Variants in PTPRM observed in about 807,000 individuals in gnomAD.
PTPRM encodes protein tyrosine phosphatase receptor type M.
Under a neutral mutation model 186.7 loss-of-function variants are expected in PTPRM, and 47 were observed. The observed-to-expected ratio is 0.25, with a 90% CI of 0.20 to 0.32. The LOEUF is 0.32. Among genes scored for constraint, PTPRM ranks in the 10% least tolerant of loss-of-function variants. The pLI is 1.00. For synonymous variants in PTPRM, 668 were observed against 674.9 expected (o/e 0.99, Z 0.16); for missense variants, 1,494 against 1,865.0 (o/e 0.80, Z 3.66).
At chr18:7,847,339 G>A (rs1234505746) in intron 2 of PTPRM, among the ~76,000 whole-genome samples, 1 of 151,730 alleles carries the variant, frequency 6.6e-6, no homozygotes, top group Non-Finnish European at 1.5e-5. Context: ...GCTAATTTTT[G>A]TATTTTTGGT....
At chr18:7,601,252 C>T (rs1259333311) in intron 1 of PTPRM, among the ~76,000 whole-genome samples, 1 of 152,230 alleles carries the variant, frequency 6.6e-6, no homozygotes, top group Non-Finnish European at 1.5e-5. Flanking sequence ...AGGCTTTCCT[C>T]CCCACTGGCA....
At chr18:8,241,911 C>T (rs967704952) in intron 14 of PTPRM, among the ~76,000 whole-genome samples, 2 of 152,096 alleles carry the variant, frequency 1.3e-5, no homozygotes, top group African/African-American at 4.8e-5. Flanking sequence ...CTCTCACAGT[C>T]TTTACAGGGC....
At chr18:8,329,679 G>A (rs530095993) in intron 22 of PTPRM, among the ~76,000 whole-genome samples, 4 of 149,892 alleles carry the variant, frequency 2.7e-5, no homozygotes, top group Non-Finnish European at 1.5e-5. Context: ...CACACGATCC[G>A]GAATATACCA....
At chr18:7,745,427 C>T (rs931562385) in intron 1 of PTPRM, among the ~76,000 whole-genome samples, 1 of 152,190 alleles carries the variant, frequency 6.6e-6, no homozygotes, top group Non-Finnish European at 1.5e-5. Flanking sequence ...TGACAGTAGA[C>T]ATCAAAGAGC....
At chr18:7,996,134 G>C (rs112241800) in intron 7 of PTPRM, among the ~76,000 whole-genome samples, 2 of 151,728 alleles carry the variant, frequency 1.3e-5, no homozygotes, top group African/African-American at 4.8e-5. Context: ...AAAGCATGTT[G>C]AAGTTATCCA....
intron 14 of PTPRM, among the ~76,000 whole-genome samples, chr18:8,152,043 A>C (rs1209699466): frequency 2.0e-5 from 3 of 152,044 alleles, no homozygotes; most frequent in Non-Finnish European, 4.4e-5. Context: ...AAATGCAGAA[A>C]TCACCCACCT....
At chr18:7,861,286 G>T (rs996844215) in intron 2 of PTPRM, among the ~76,000 whole-genome samples, 1 of 152,116 alleles carries the variant, frequency 6.6e-6, no homozygotes. Context: ...AAAAAATTAT[G>T]GTTTGTGCTT....
At chr18:8,241,245 C>T (rs1020132045) in intron 14 of PTPRM, among the ~76,000 whole-genome samples, 5 of 151,900 alleles carry the variant, frequency 3.3e-5, no homozygotes, top group Non-Finnish European at 7.4e-5. Context: ...GGCTGAGGCA[C>T]GAGAATCACT....
intron 2 of PTPRM, among the ~76,000 whole-genome samples, chr18:7,827,394 G>C (rs1217597560): frequency 1.3e-5 from 2 of 152,058 alleles, no homozygotes; most frequent in African/African-American, 2.4e-5. Flanking sequence ...TTCACCTAAT[G>C]GTAGAGGTAA....
intron 1 of PTPRM, among the ~76,000 whole-genome samples, chr18:7,692,490 G>A (rs924842750): frequency 6.6e-6 from 1 of 152,196 alleles, no homozygotes; most frequent in Non-Finnish European, 1.5e-5. Context: ...AAAAAACTGG[G>A]TATTAGAGTG....
intron 3 of PTPRM, among the ~76,000 whole-genome samples, chr18:7,896,857 C>T (rs903157662): frequency 6.6e-6 from 1 of 152,190 alleles, no homozygotes; most frequent in African/African-American, 2.4e-5. Context: ...ATAGGGATGA[C>T]TTGATCTTAC....
At chr18:8,137,146 G>C (rs1247004070) in intron 13 of PTPRM, among the ~76,000 whole-genome samples, 1 of 152,144 alleles carries the variant, frequency 6.6e-6, no homozygotes, top group African/African-American at 2.4e-5. Flanking sequence ...CATCTCTTAA[G>C]GTTTTTCAGC....
intron 7 of PTPRM, among the ~76,000 whole-genome samples, chr18:8,041,398 T>A (rs924196330): frequency 6.6e-6 from 1 of 152,052 alleles, no homozygotes; most frequent in Non-Finnish European, 1.5e-5. Context: ...GGCTTTGAAG[T>A]TAATTAAGGC....
intron 3 of PTPRM, among the ~76,000 whole-genome samples, chr18:7,898,820 T>C (rs1486217341): frequency 6.6e-6 from 1 of 152,158 alleles, no homozygotes; most frequent in African/African-American, 2.4e-5. Context: ...ATAGAGTTGA[T>C]TCTCGATTAT....
Position 8,249,021 on chromosome 18 carries a change from T to C in PTPRM, c.2554+845T>C, listed in dbSNP as rs553875072. ...TGCTGTTGCATTTGAGACGCATAAA[T>C]AACCTGAGTGTATCACGGCTGTGTT... On this transcript the variant is annotated intron_variant, in intron 17 of 32. Transcript: ENST00000580170. 3.3e-5 allele frequency among the ~76,000 whole-genome samples: 5 copies of C among 152,320 alleles called. No homozygotes were observed. The South Asian group carries it at 1.0e-3, about 32-fold the overall frequency.
At chr18:7,726,764 G>T (rs2040558147) in intron 1 of PTPRM, among the ~76,000 whole-genome samples, 2 of 151,976 alleles carry the variant, frequency 1.3e-5, no homozygotes, top group Non-Finnish European at 2.9e-5. Context: ...GTACATTGAG[G>T]GTATCAGTTC....
chr18:7,990,302 A>G (rs983946586), intron 7 of PTPRM, among the ~76,000 whole-genome samples: 10 of 152,224 alleles, frequency 6.6e-5, no homozygotes, highest in African/African-American at 2.4e-4. Context: ...CAGTGTGAAG[A>G]ATCGTGTGTG....
At chr18:8,101,528 T>C (rs1403087637) in intron 11 of PTPRM, among the ~76,000 whole-genome samples, 1 of 152,242 alleles carries the variant, frequency 6.6e-6, no homozygotes, top group East Asian at 1.9e-4. Context: ...AGAAAATGAA[T>C]AATCATGGTT....
intron 14 of PTPRM, among the ~76,000 whole-genome samples, chr18:8,238,658 T>TTTTTTG (rs1568578128): frequency 7.7e-6 from 1 of 129,314 alleles, no homozygotes; most frequent in African/African-American, 2.8e-5. Context: ...TGTGTTTTTT[T>TTTTTTG]TTTTTTTTTT....
Sources: allele counts gnomAD v4.1 joint callset (sites outside exome capture counted in the v4.1 genomes callset), GRCh38; gene constraint gnomAD v4.1.1; transcripts MANE v1.5; gene names NCBI Gene and HGNC (gene_info 2026-07-23, HGNC 2026-07-21).